Variants in RNF19A observed in about 807,000 individuals in gnomAD.
RNF19A encodes E3 ubiquitin-protein ligase RNF19A.
Under a neutral mutation model 75.7 loss-of-function variants are expected in RNF19A, and 32 were observed. That is an observed-to-expected ratio of 0.42 (90% CI 0.32 to 0.57). The LOEUF (loss-of-function observed/expected upper bound fraction) is 0.57, where lower values mean the gene tolerates loss of function less well. RNF19A is among the 20% of genes least tolerant of loss of function. The probability of loss-of-function intolerance (pLI) is 0.10; values close to 1 mark genes in which losing one functional copy is unlikely to be tolerated. For missense variants in RNF19A, 782 were observed against 1,036.3 expected (o/e 0.75, Z 3.37); for synonymous variants, 335 against 345.2 (o/e 0.97, Z 0.33).
Position 100,287,600 on chromosome 8 carries a change from A to T in RNF19A, c.575T>A (p.Leu192Ter). The change falls in exon 2 of 10, where the codon TTA (leucine) becomes TAA (stop). Residue 192 changes from leucine to a stop codon, truncating the protein, a stop_gained. Coordinates refer to ENST00000341084, the MANE Select transcript of RNF19A (RefSeq NM_183419.4). LOFTEE classifies it high-confidence loss of function. The surrounding 1 kb of genome is among the most constrained non-coding windows in gnomAD (Gnocchi z 4.1). The part of the protein sequence containing the change: ...RFNPHDIRLI[L>*]SDDVLMEKYE... ...TTTTTCCATCAAGACATCATCACTTAATATCAAGCGAATATCATGGGGATT... is the reference window on the plus strand; with the variant it reads ...TTTTTCCATCAAGACATCATCACTTTATATCAAGCGAATATCATGGGGATT... The T allele has an allele frequency of 6.2e-7, 1 of 1,614,090 alleles. No individual in the cohort carries two copies. The highest frequency in any genetic ancestry group is 8.5e-7 in the Non-Finnish European group (1 of 1,179,930).
chr8:100,285,078 TTTG>T (rs1820953189), intron 2 of RNF19A, among the ~76,000 whole-genome samples: 1 of 152,162 alleles, frequency 6.6e-6, no homozygotes, highest in African/African-American at 2.4e-5. Flanking sequence ...TGAACATTTT[TTTG>T]TTGTTGTTAT....
intron 1 of RNF19A, chr8:100,309,312 A>G (rs1822193581): frequency 2.0e-6 from 2 of 985,546 alleles, no homozygotes; most frequent in South Asian, 9.4e-5. Context: ...CTCCGAACAC[A>G]GCTCCCCTCC....
intron 1 of RNF19A, among the ~76,000 whole-genome samples, chr8:100,294,068 T>C (rs888308328): frequency 1.4e-4 from 22 of 152,346 alleles, no homozygotes; most frequent in African/African-American, 3.8e-4. Flanking sequence ...ATTCTGCTAA[T>C]TGCAGAGTCT....
At chr8:100,276,723 C>CAAAAAAAAA (rs60419107) in intron 2 of RNF19A, among the ~76,000 whole-genome samples, 25 of 80,474 alleles carry the variant, frequency 3.1e-4, no homozygotes, top group Middle Eastern at 7.9e-3. Flanking sequence ...ACCACTGTAC[C>CAAAAAAAAA]AAAAAAAAAA....
chr8:100,267,968 G>A (rs985842706), intron 5 of RNF19A, among the ~76,000 whole-genome samples: 5 of 151,930 alleles, frequency 3.3e-5, no homozygotes, highest in South Asian at 2.1e-4. Context: ...GTGAGGCACC[G>A]CACCTGGCCT....
At chr8:100,281,740 A>T (rs576021582) in intron 2 of RNF19A, among the ~76,000 whole-genome samples, 1 of 152,352 alleles carries the variant, frequency 6.6e-6, no homozygotes, top group African/African-American at 2.4e-5. Context: ...CATACCTTTA[A>T]ATAACTTTCT....
chr8:100,312,096 C>G (rs990992971), upstream of RNF19A, among the ~76,000 whole-genome samples: 15 of 152,190 alleles, frequency 9.9e-5, no homozygotes, highest in African/African-American at 3.6e-4. Flanking sequence ...GGATTGTTCC[C>G]AGGCCCCATT....
rs1051719388 is a variant in RNF19A at position 100,259,338 on chromosome 8, CTATA to C, written c.1827-96_1827-93del. 904 of 1,002,796 alleles carry C rather than the reference CTATA, an allele frequency of 9.0e-4. 5 individuals carry two copies. In the African/African-American group the frequency reaches 0.012, roughly 14 times the overall value. The allele number at this position is 1,002,796 out of a possible 1,614,324, so 62.1% of individuals were successfully genotyped here. On this transcript the variant is annotated intron_variant, in intron 9 of 9. Coordinates refer to ENST00000341084, the MANE Select transcript of RNF19A (RefSeq NM_183419.4). The surrounding 1 kb of genome is among the most constrained non-coding windows in gnomAD (Gnocchi z 4.5). ...AGGGTTTCTATGTGGAAAATTCAGACTATATATAAGCTATGAGAACACCTTAACG... is the reference window on the plus strand; with the variant it reads ...AGGGTTTCTATGTGGAAAATTCAGACTATAAGCTATGAGAACACCTTAACG...
chr8:100,314,448 C>T (rs989058397), upstream of RNF19A, among the ~76,000 whole-genome samples: 12 of 152,190 alleles, frequency 7.9e-5, no homozygotes, highest in South Asian at 1.2e-3. This position sits in a 1 kb window ranked among gnomAD's most constrained non-coding sequence, Gnocchi z 4.1. Flanking sequence ...TTGGACCATC[C>T]GGCAGGCTGG....
chr8:100,262,923 G>C (rs1011614966), intron 7 of RNF19A, among the ~76,000 whole-genome samples: 1 of 152,102 alleles, frequency 6.6e-6, no homozygotes, highest in African/African-American at 2.4e-5. Context: ...GTTAAGTGAA[G>C]GTTTTTGGCC....
chr8:100,323,439 A>G lies in RNF19A; in HGVS notation c.-242-10067T>C, dbSNP rs1470990915. Among the ~76,000 whole-genome samples, 3 of 152,222 alleles carry G rather than the reference A, an allele frequency of 2.0e-5. No homozygotes were observed. Among genetic ancestry groups the G allele is most frequent in the Non-Finnish European group, 2.9e-5 (2 of 68,040 alleles). On this transcript the variant is annotated intron_variant, in intron 1 of 3. Transcript: ENST00000519527. This position sits in a 1 kb window ranked among gnomAD's most constrained non-coding sequence, Gnocchi z 4.6. ...CTAAGTAGAAAATAACTCCTGCTGG[A>G]CAGCCTGTTTTTGCAGGATGACCAC...
chr8:100,293,040 ATC>A (rs1242009459), intron 1 of RNF19A, among the ~76,000 whole-genome samples: 2 of 152,184 alleles, frequency 1.3e-5, no homozygotes, highest in African/African-American at 2.4e-5. Flanking sequence ...GGAGTGTGCC[ATC>A]TAGATCCCTC....
Position 100,258,546 on chromosome 8 carries a change from AT to A in RNF19A, c.*9del, listed in dbSNP as rs780781380. 9.4e-6 allele frequency: 15 copies of A among 1,594,142 alleles called. No individual in the cohort carries two copies. Among genetic ancestry groups the A allele is most frequent in the Non-Finnish European group, 1.3e-5 (15 of 1,168,452 alleles). On this transcript the variant is annotated 3_prime_UTR_variant, in exon 10 of 10. Transcript: ENST00000341084. The surrounding 1 kb of genome is among the most constrained non-coding windows in gnomAD (Gnocchi z 4.3). ...TGTACAGTGGTAATTATTCTGCAGCATTTATGGGCCTAAATTTCAGTCTGAA... is the reference window on the plus strand; with the variant it reads ...TGTACAGTGGTAATTATTCTGCAGCATTATGGGCCTAAATTTCAGTCTGAA...
intron 2 of RNF19A, among the ~76,000 whole-genome samples, chr8:100,276,911 T>C (rs960832375): frequency 1.3e-5 from 2 of 152,112 alleles, no homozygotes; most frequent in African/African-American, 4.8e-5. Flanking sequence ...TGGTAGATTG[T>C]GTCTATGCCA....
At chr8:100,311,097 T>G (rs1049107026), upstream of RNF19A, among the ~76,000 whole-genome samples, 1 of 152,234 alleles carries the variant, frequency 6.6e-6, no homozygotes, top group Non-Finnish European at 1.5e-5. Context: ...AGTCCTTGTT[T>G]AGTGTGTCTG....
chr8:100,302,706 C>T lies in RNF19A; in HGVS notation c.-94+7161G>A, dbSNP rs145835820. On this transcript the variant is annotated intron_variant, in intron 1 of 9. Coordinates refer to ENST00000341084, the MANE Select transcript of RNF19A (RefSeq NM_183419.4). ...ACATTAAGATGTAGGGGAGAAGAGG[C>T]GAATCCAGTAAAGGAGACAGAAAAG... is the stretch of plus-strand genomic sequence containing the variant. 9.0e-3 allele frequency among the ~76,000 whole-genome samples: 1,371 copies of T among 151,960 alleles called. 15 individuals are homozygous for T. The highest frequency in any genetic ancestry group is 0.011 in the Non-Finnish European group (733 of 67,972).
rs969838351 is a variant in RNF19A, at chr8:100,308,658, A to G, written c.-94+1209T>C. On this transcript the variant is annotated intron_variant, in intron 1 of 9. Coordinates refer to ENST00000341084, the MANE Select transcript of RNF19A (RefSeq NM_183419.4). Reference sequence around the variant, plus strand: ...AATCTAGGTTAAAATAAGAAAAGATATTTTAAAAAAATGAAAAGAACCATG... The same window carrying G: ...AATCTAGGTTAAAATAAGAAAAGATGTTTTAAAAAAATGAAAAGAACCATG... 4.5e-4 allele frequency among the ~76,000 whole-genome samples: 67 copies of G among 149,418 alleles called. 1 individual carries two copies. Among genetic ancestry groups the G allele is most frequent in the Non-Finnish European group, 1.2e-4 (8 of 66,778 alleles).
intron 1 of RNF19A, among the ~76,000 whole-genome samples, chr8:100,306,251 G>C (rs1373591949): frequency 6.6e-6 from 1 of 152,150 alleles, no homozygotes; most frequent in Non-Finnish European, 1.5e-5. Flanking sequence ...AACAAGCTAA[G>C]GTGATTTCTG....
rs34606154 is a variant in RNF19A, at chr8:100,258,815, C to T, written c.2258G>A (p.Arg753His). The T allele has an allele frequency of 2.1e-5, 34 of 1,614,104 alleles. No homozygotes were observed. The highest frequency in any genetic ancestry group is 2.7e-5 in the African/African-American group (2 of 75,012). ...CSHGSSDYHT[R>H]FATVNILPEV... ...AGGAAGAATGTTAACAGTAGCAAAG[C>T]GGGTGTGATAATCACTGGAACCATG... The change falls in exon 10 of 10, where the codon CGC (arginine) becomes CAC (histidine). Residue 753 changes from arginine (R) to histidine (H), a missense_variant. Arg to His is a conservative substitution (Grantham distance 29, BLOSUM62 0). Around this residue, in one of 7 missense-constraint regions of RNF19A, gnomAD observed 442 missense variants for 541.6 expected, o/e 0.82. Transcript: ENST00000341084. This position sits in a 1 kb window ranked among gnomAD's most constrained non-coding sequence, Gnocchi z 4.3.
Sources: gnomAD v4.1 joint callset for allele counts (sites outside exome capture counted in the v4.1 genomes callset) on GRCh38, gnomAD v4.1.1 for gene constraint, gnomAD v4.1.1 regional missense constraint, Gnocchi (gnomAD v3.1) non-coding constraint, MANE v1.5 for transcripts, NCBI Gene and HGNC (gene_info 2026-07-23, HGNC 2026-07-21) for gene names.